Variants in AVEN observed in about 807,000 individuals in gnomAD.
AVEN encodes the protein cell death regulator Aven.
In AVEN, 41 loss-of-function variants were observed where a neutral mutation model predicts 38.1. The ratio of observed to expected loss-of-function variants is 1.08; its 90% CI spans 0.84 to 1.40. AVEN has a LOEUF of 1.40. AVEN is among the 40% of genes most tolerant of loss of function. The probability of loss-of-function intolerance (pLI) is 0.00; values close to 1 mark genes in which losing one functional copy is unlikely to be tolerated. For missense variants in AVEN, 605 were observed against 438.8 expected (o/e 1.38, Z -3.38); for synonymous variants, 206 against 171.8 (o/e 1.20, Z -1.56).
intron 2 of AVEN, among the ~76,000 whole-genome samples, chr15:33,906,139 C>T (rs1178265654): frequency 6.6e-6 from 1 of 152,144 alleles, no homozygotes; most frequent in Non-Finnish European, 1.5e-5. Flanking sequence ...TCCCAACTTA[C>T]TGAACAGAGC....
intron 1 of AVEN, among the ~76,000 whole-genome samples, chr15:34,032,233 G>C (rs540459624): frequency 6.6e-6 from 1 of 152,198 alleles, no homozygotes; most frequent in South Asian, 2.1e-4. Flanking sequence ...CTAATTTCTA[G>C]AAAAAGGCTA....
Position 33,866,616 on chromosome 15 carries a change from G to C in AVEN, c.1086C>G (p.Ser362=), listed in dbSNP as rs1444515782. Residue 362 remains serine (S), a synonymous_variant, in exon 6 of 6, where the codon TCC becomes TCG. Transcript: ENST00000306730. ...TCAGGCACTTTTTTTCCCCTTTTTAGGAAATCATGCTGTCCAACCAGTCTT... is the reference window on the plus strand; with the variant it reads ...TCAGGCACTTTTTTTCCCCTTTTTACGAAATCATGCTGTCCAACCAGTCTT... ...ELEDWLDSMI[S] is the part of the protein sequence containing the mutation. The C allele has an allele frequency of 6.2e-7, 1 of 1,612,350 alleles. No homozygotes were observed. Among genetic ancestry groups the C allele is most frequent in the Non-Finnish European group, 8.5e-7 (1 of 1,179,108 alleles).
intron 5 of AVEN, among the ~76,000 whole-genome samples, chr15:34,061,148 T>C (rs1215777525): frequency 6.6e-6 from 1 of 152,182 alleles, no homozygotes; most frequent in African/African-American, 2.4e-5. Flanking sequence ...GTAGCAGTGG[T>C]TACCTCTGAA....
chr15:34,053,320 ATATAT>A (rs1335948910), intron 5 of AVEN, among the ~76,000 whole-genome samples: 6 of 31,098 alleles, frequency 1.9e-4, no homozygotes, highest in Non-Finnish European at 4.3e-4. Context: ...AAAAAAAAAA[ATATAT>A]ATATATATAT....
At position 33,890,445 on chromosome 15, in the gene AVEN, A is replaced by G. The variant is rs193067301; in HGVS notation, c.446-14450T>C. ...AGCAAACGAACAAGAATACAAGGCT[A>G]AACAAAATCAACAAATGAACATCAG... On this transcript the variant is annotated intron_variant, in intron 2 of 5. Transcript: ENST00000306730. Among the ~76,000 whole-genome samples, 59 of 152,332 alleles carry G rather than the reference A, an allele frequency of 3.9e-4. No individual in the cohort carries two copies. In the East Asian group the frequency reaches 9.2e-3, roughly 24 times the overall value.
intron 2 of AVEN, among the ~76,000 whole-genome samples, chr15:33,944,995 G>A (rs1371519295): frequency 5.9e-5 from 9 of 152,146 alleles, no homozygotes; most frequent in Admixed American, 5.2e-4. Flanking sequence ...GAAAATTTAT[G>A]GGTGAGATAA....
At chr15:34,029,309 C>T (rs184987086) in intron 1 of AVEN, among the ~76,000 whole-genome samples, 8 of 152,124 alleles carry the variant, frequency 5.3e-5, no homozygotes, top group East Asian at 3.9e-4. Context: ...ATGTAAAATA[C>T]GTGCTCATAA....
chr15:33,961,562 C>G (rs890355788), intron 2 of AVEN, among the ~76,000 whole-genome samples: 1 of 151,924 alleles, frequency 6.6e-6, no homozygotes, highest in East Asian at 1.9e-4. Context: ...GCCTGTAATC[C>G]CAGCACTTTG....
At chr15:33,960,890 T>G (rs1895136218) in intron 2 of AVEN, among the ~76,000 whole-genome samples, 1 of 152,260 alleles carries the variant, frequency 6.6e-6, no homozygotes, top group Non-Finnish European at 1.5e-5. Context: ...CTAAACTGTT[T>G]GTTCAACTGA....
At chr15:34,042,408 T>G (rs185676189), upstream of AVEN, among the ~76,000 whole-genome samples, 1,128 of 150,782 alleles carry the variant, frequency 7.5e-3, 6 homozygotes, top group African/African-American at 0.02. Flanking sequence ...TTTTTTTTTT[T>G]TTTTTTTTTG....
At chr15:34,055,387 C>A (rs965586542) in intron 5 of AVEN, among the ~76,000 whole-genome samples, 1 of 152,044 alleles carries the variant, frequency 6.6e-6, no homozygotes, top group South Asian at 2.1e-4. Flanking sequence ...CACCTGTAGT[C>A]CCAGCTACTC....
At chr15:33,996,970 G>C (rs545858939) in intron 2 of AVEN, among the ~76,000 whole-genome samples, 5 of 152,206 alleles carry the variant, frequency 3.3e-5, no homozygotes, top group Admixed American at 2.6e-4. Flanking sequence ...AAAAAGATTA[G>C]ATGAATGGCT....
the AVEN span, chr15:33,851,828 C>G: frequency 6.6e-6 from 1 of 151,970 alleles, no homozygotes; most frequent in Non-Finnish European, 1.5e-5. Flanking sequence ...GTTTTATTTT[C>G]AATTTAAATG....
intron 2 of AVEN, among the ~76,000 whole-genome samples, chr15:33,975,820 C>T (rs1411735240): frequency 2.6e-5 from 4 of 152,154 alleles, no homozygotes; most frequent in African/African-American, 2.4e-5. Flanking sequence ...GTCCCAGCTA[C>T]TCGGGAGGCT....
chr15:33,865,130 G>GGAATCTTATGTCTGGA, downstream of AVEN: 1 of 1,610,456 alleles, frequency 6.2e-7, no homozygotes, highest in Non-Finnish European at 8.5e-7. Context: ...TATTATTTCA[G>GGAATCTTATGTCTGGA]GAATCTTATG....
intron 2 of AVEN, among the ~76,000 whole-genome samples, chr15:33,948,279 T>G (rs976477992): frequency 3.3e-5 from 5 of 151,414 alleles, no homozygotes; most frequent in African/African-American, 7.3e-5. Flanking sequence ...GTATTTTTAG[T>G]AGAGACGGGG....
chr15:33,913,221 A>G (rs1335429654), intron 2 of AVEN, among the ~76,000 whole-genome samples: 1 of 152,188 alleles, frequency 6.6e-6, no homozygotes, highest in Non-Finnish European at 1.5e-5. Flanking sequence ...ATGCAGAGGA[A>G]TTGTATTCAA....
intron 3 of AVEN, among the ~76,000 whole-genome samples, chr15:33,872,060 C>T (rs2153034946): frequency 6.6e-6 from 1 of 152,296 alleles, no homozygotes; most frequent in East Asian, 1.9e-4. Flanking sequence ...AAGTAGAGGG[C>T]CTGGCCTACG....
chr15:34,063,607 C>G lies in AVEN; in HGVS notation n.1127-175G>C, dbSNP rs1900423773. 6.2e-7 allele frequency: 1 copy of G among 1,613,852 alleles called. No individual in the cohort carries two copies. The highest frequency in any genetic ancestry group is 1.7e-5 in the Admixed American group (1 of 60,010). ...GGCCCAAGCGCCAATTGGGCCAAAGCTGAGCAGCTCACCACCTGTAGCAGC... is the reference window on the plus strand; with the variant it reads ...GGCCCAAGCGCCAATTGGGCCAAAGGTGAGCAGCTCACCACCTGTAGCAGC... On this transcript the variant is annotated intron_variant and non_coding_transcript_variant, in intron 4 of 11. Transcript: ENST00000675287. This position sits in a 1 kb window ranked among gnomAD's most constrained non-coding sequence, Gnocchi z 4.1.
Sources: gnomAD v4.1 joint callset for allele counts (sites outside exome capture counted in the v4.1 genomes callset) on GRCh38, gnomAD v4.1.1 for gene constraint, Gnocchi (gnomAD v3.1) non-coding constraint, MANE v1.5 for transcripts, NCBI Gene and HGNC (gene_info 2026-07-23, HGNC 2026-07-21) for gene names.